SMC6: variants seen among roughly 807,000 people sequenced by gnomAD.
SMC6 encodes structural maintenance of chromosomes 6.
In SMC6, 79 loss-of-function variants were observed where a neutral mutation model predicts 142.2. The observed-to-expected ratio is 0.56, with a 90% confidence interval of 0.46 to 0.67. SMC6 has a LOEUF of 0.67. Among genes scored for constraint, SMC6 ranks in the 30% least tolerant of loss-of-function variants. The pLI is 0.00. For missense variants in SMC6, 1,072 were observed against 1,284.0 expected (o/e 0.83, Z 2.52); for synonymous variants, 411 against 412.4 (o/e 1.00, Z 0.04).
intron 16 of SMC6, among the ~76,000 whole-genome samples, chr2:17,710,877 G>C (rs569858439): frequency 1.3e-5 from 2 of 152,268 alleles, no homozygotes; most frequent in East Asian, 3.9e-4. Flanking sequence ...CCTGAAAAGG[G>C]AAGCAGAGAA....
chr2:17,751,090 T>C (rs1212105914), intron 2 of SMC6, among the ~76,000 whole-genome samples: 1 of 151,604 alleles, frequency 6.6e-6, no homozygotes, highest in East Asian at 1.9e-4. Flanking sequence ...TAAAACTTCA[T>C]TTTGTGTTTC....
At chr2:17,685,995 TAAATATATGAAAAAA>T (rs1207561411) in intron 23 of SMC6, among the ~76,000 whole-genome samples, 1 of 152,102 alleles carries the variant, frequency 6.6e-6, no homozygotes, top group Non-Finnish European at 1.5e-5. Context: ...AAATGATTCT[TAAATATATGAAAAAA>T]TGTTGAGTTT....
At chr2:17,686,443 C>T (rs577400447) in intron 23 of SMC6, among the ~76,000 whole-genome samples, 37 of 152,244 alleles carry the variant, frequency 2.4e-4, no homozygotes, top group African/African-American at 8.9e-4. Context: ...GATTGTGCCG[C>T]AGCTCTCCAG....
intron 2 of SMC6, among the ~76,000 whole-genome samples, chr2:17,747,571 T>C (rs1024707867): frequency 1.3e-5 from 2 of 150,234 alleles, no homozygotes; most frequent in African/African-American, 4.9e-5. Context: ...AGTGGCACAA[T>C]CTCAGCTCAC....
intron 25 of SMC6, 55 bp from the exon 26 acceptor site, chr2:17,670,630 T>A (rs1251938308): frequency 4.2e-6 from 6 of 1,438,512 alleles, no homozygotes; most frequent in Non-Finnish European, 5.6e-6. Flanking sequence ...AAAGGCCAGA[T>A]TAAATTCTTT....
chr2:17,686,626 T>C (rs1667467593), intron 23 of SMC6, among the ~76,000 whole-genome samples: 1 of 152,176 alleles, frequency 6.6e-6, no homozygotes, highest in Non-Finnish European at 1.5e-5. Flanking sequence ...ATGCAGTTTA[T>C]TTATTCAGTG....
intron 22 of SMC6, among the ~76,000 whole-genome samples, chr2:17,695,855 T>C (rs13397926): frequency 0.02 from 3,003 of 152,312 alleles, 103 homozygotes; most frequent in African/African-American, 0.07. Flanking sequence ...TAGGACAAGG[T>C]TGCCTTCAAT....
Position 17,705,473 on chromosome 2 carries a change from C to T in SMC6, c.2006+1746G>A, listed in dbSNP as rs115094044. On this transcript the variant is annotated intron_variant, in intron 18 of 27. Coordinates refer to ENST00000448223, the MANE Select transcript of SMC6 (RefSeq NM_001142286.2). ...CTCCCAGGTACTCAGGTGGCTGAGG[C>T]ACAGGAATCACTTGAACACCGGAGG... is the stretch of plus-strand genomic sequence containing the variant. Among the ~76,000 whole-genome samples, 730 of 151,880 alleles carry T rather than the reference C, an allele frequency of 4.8e-3. 3 individuals carry two copies. The highest frequency in any genetic ancestry group is 0.016 in the African/African-American group (678 of 41,402).
intron 7 of SMC6, among the ~76,000 whole-genome samples, chr2:17,727,581 CCTGA>C (rs969572098): frequency 2.0e-5 from 3 of 151,358 alleles, no homozygotes; most frequent in Admixed American, 6.6e-5. Context: ...TCTAGAGAAC[CCTGA>C]CTAATACACC....
chr2:17,687,701 T>C (rs920051055), intron 23 of SMC6, among the ~76,000 whole-genome samples: 3 of 152,190 alleles, frequency 2.0e-5, no homozygotes, highest in Admixed American at 2.0e-4. Flanking sequence ...TATACTTTTG[T>C]TTATGGCTTT....
chr2:17,692,459 G>C (rs1020808826), intron 23 of SMC6, among the ~76,000 whole-genome samples: 3 of 152,172 alleles, frequency 2.0e-5, no homozygotes, highest in African/African-American at 7.2e-5. Context: ...ATGGGCGAAG[G>C]ATTCCCTATT....
intron 24 of SMC6, 34 bp downstream of exon 24, chr2:17,683,604 T>A: frequency 6.5e-7 from 1 of 1,545,688 alleles, no homozygotes; most frequent in Non-Finnish European, 8.8e-7. Context: ...CACAAAAATG[T>A]ATAATATATA....
Position 17,721,103 on chromosome 2 carries a change from T to G in SMC6, c.846+39A>C, listed in dbSNP as rs184687709. Reference sequence around the variant, plus strand: ...ATAATAACCAAATACATTCTGCATATCACATAGATACGTGAACAAGTAATT... The same window carrying G: ...ATAATAACCAAATACATTCTGCATAGCACATAGATACGTGAACAAGTAATT... On this transcript the variant is annotated intron_variant, in intron 10 of 27. Coordinates refer to ENST00000448223, the MANE Select transcript of SMC6 (RefSeq NM_001142286.2). 9.6e-4 allele frequency: 1,546 copies of G among 1,611,674 alleles called. 10 individuals carry two copies. The African/African-American group carries it at 0.018, about 18-fold the overall frequency.
intron 2 of SMC6, among the ~76,000 whole-genome samples, chr2:17,749,619 C>T (rs929265254): frequency 5.9e-5 from 9 of 151,946 alleles, no homozygotes; most frequent in African/African-American, 1.7e-4. Context: ...ACCCAGGAGG[C>T]GGAGGTTGCA....
At chr2:17,736,991 T>A (rs977322318) in intron 5 of SMC6, among the ~76,000 whole-genome samples, 2 of 152,166 alleles carry the variant, frequency 1.3e-5, no homozygotes, top group Non-Finnish European at 2.9e-5. Flanking sequence ...TTAAAATAAC[T>A]AATTTTTTGC....
intron 25 of SMC6, among the ~76,000 whole-genome samples, chr2:17,675,729 T>C (rs1666966488): frequency 6.6e-6 from 1 of 152,152 alleles, no homozygotes; most frequent in Admixed American, 6.5e-5. Flanking sequence ...GGTTTTATTG[T>C]TGCTCTTTCG....
chr2:17,720,037 G>A (rs182541781), intron 11 of SMC6, among the ~76,000 whole-genome samples: 1 of 152,220 alleles, frequency 6.6e-6, no homozygotes, highest in East Asian at 1.9e-4. Context: ...TGCGGGGGAA[G>A]GGGAGTAAAG....
In SMC6 at chr2:17,717,144, T is replaced by C; in HGVS notation, c.1125A>G (p.Lys375=). The C allele has an allele frequency of 6.2e-7, 1 of 1,611,126 alleles. No homozygotes were observed. The highest frequency in any genetic ancestry group is 1.1e-5 in the South Asian group (1 of 90,142). Reference sequence around the variant, plus strand: ...GCTGCTCATCATCTTTCTTTAATGCTTTATATTCGTTTAAGGATCGGTTAT... The same window carrying C: ...GCTGCTCATCATCTTTCTTTAATGCCTTATATTCGTTTAAGGATCGGTTAT... ...VLYNRSLNEY[K]ALKKDDEQLC... Residue 375 remains lysine (K), a synonymous_variant, in exon 13 of 28, where the codon AAA becomes AAG. Transcript: ENST00000448223.
At chr2:17,728,402 C>T (rs1358478131) in intron 7 of SMC6, among the ~76,000 whole-genome samples, 2 of 152,128 alleles carry the variant, frequency 1.3e-5, no homozygotes, top group Non-Finnish European at 2.9e-5. Context: ...CTGCTGCATT[C>T]CAGCCTGGGC....
Sources: gnomAD v4.1 joint callset for allele counts (sites outside exome capture counted in the v4.1 genomes callset) on GRCh38, gnomAD v4.1.1 for gene constraint, MANE v1.5 for transcripts, NCBI Gene and HGNC (gene_info 2026-07-23, HGNC 2026-07-21) for gene names.